Variants in INTS6 observed in about 807,000 individuals in gnomAD.
The protein encoded by INTS6 is integrator complex subunit 6, also known as DEAD box protein.
A neutral mutation model predicts 104.9 loss-of-function variants in INTS6; 16 were observed. That is an observed-to-expected ratio of 0.15 (90% CI 0.10 to 0.23). The LOEUF (loss-of-function observed/expected upper bound fraction) is 0.23. INTS6 is among the 10% of genes least tolerant of loss of function. The probability of loss-of-function intolerance (pLI) is 1.00; values close to 1 mark genes in which losing one functional copy is unlikely to be tolerated. For synonymous variants in INTS6, 324 were observed against 358.7 expected (o/e 0.90, Z 1.09); for missense variants, 584 against 1,062.8 (o/e 0.55, Z 6.26).
chr13:51,373,092 G>A (rs1955844863), intron 15 of INTS6, among the ~76,000 whole-genome samples: 1 of 151,784 alleles, frequency 6.6e-6, no homozygotes, highest in Non-Finnish European at 1.5e-5. Flanking sequence ...TCTTTGTCCT[G>A]TAGAGTTTTC....
intron 3 of INTS6, among the ~76,000 whole-genome samples, chr13:51,434,753 T>C: frequency 1.4e-5 from 1 of 70,502 alleles, no homozygotes; most frequent in East Asian, 4.4e-4. Context: ...TATACTGTTT[T>C]GCACTGTTTT....
intron 4 of INTS6, among the ~76,000 whole-genome samples, chr13:51,422,810 C>T (rs1375041631): frequency 6.6e-6 from 1 of 152,146 alleles, no homozygotes. Context: ...CTCTTCCTAC[C>T]TATACTTTCC....
At chr13:51,448,845 A>C (rs946281319) in intron 3 of INTS6, 4 of 152,198 alleles carry the variant, frequency 2.6e-5, no homozygotes, top group African/African-American at 9.6e-5. Flanking sequence ...CCTAGTATAG[A>C]GCAGGAAAGG....
At chr13:51,347,463 A>T in the INTS6 span, among the ~76,000 whole-genome samples, 1 of 152,198 alleles carries the variant, frequency 6.6e-6, no homozygotes, top group Non-Finnish European at 1.5e-5. Flanking sequence ...GATGTGGAAG[A>T]GAAACTCAGT....
chr13:51,431,669 T>C (rs1175394209), intron 3 of INTS6, among the ~76,000 whole-genome samples: 1 of 152,170 alleles, frequency 6.6e-6, no homozygotes, highest in Non-Finnish European at 1.5e-5. Flanking sequence ...TAATAGATCG[T>C]CTTGATCAAA....
At chr13:51,399,366 T>C (rs985939639) in intron 4 of INTS6, among the ~76,000 whole-genome samples, 2 of 152,054 alleles carry the variant, frequency 1.3e-5, no homozygotes, top group Non-Finnish European at 2.9e-5. Context: ...GCCACCACAC[T>C]CAGCTCACTT....
In INTS6 at chr13:51,363,142, TAGGTAAA is replaced by T. The variant is rs1183757999; in HGVS notation, c.*2603_*2609del. 6.6e-6 allele frequency: 1 copy of T among 151,962 alleles called. No homozygotes were observed. The highest frequency in any genetic ancestry group is 1.9e-4 in the East Asian group (1 of 5,186). 9.4% of individuals were successfully genotyped at this position (151,962 alleles called of 1,614,324 possible). ...AAAGCCAATAGCCAATAAAGGTTGA[TAGGTAAA>T]AGAGAGATTCTGATTTTGGAATTCA... On this transcript the variant is annotated 3_prime_UTR_variant, in exon 18 of 18. Coordinates refer to ENST00000311234, the MANE Select transcript of INTS6 (RefSeq NM_012141.3).
chr13:51,352,240 C>T (rs1449730066), downstream of INTS6, among the ~76,000 whole-genome samples: 1 of 152,086 alleles, frequency 6.6e-6, no homozygotes, highest in Non-Finnish European at 1.5e-5. Flanking sequence ...GGGCCATGAA[C>T]TCAGAATATC....
chr13:51,390,428 A>G (rs1438150349), intron 5 of INTS6, among the ~76,000 whole-genome samples: 2 of 151,966 alleles, frequency 1.3e-5, no homozygotes, highest in African/African-American at 2.4e-5. Context: ...AGTGGCTACT[A>G]TGAAATTTTT....
the INTS6 span, among the ~76,000 whole-genome samples, chr13:51,345,750 T>C: frequency 6.6e-6 from 1 of 152,248 alleles, no homozygotes; most frequent in Non-Finnish European, 1.5e-5. Context: ...TATTTTACCA[T>C]GTCTTTTCAA....
chr13:51,431,466 A>G (rs184992434), intron 3 of INTS6, among the ~76,000 whole-genome samples: 11 of 152,328 alleles, frequency 7.2e-5, no homozygotes, highest in South Asian at 2.1e-4. Context: ...AGACACTAAT[A>G]GCCACAGACC....
chr13:51,341,762 G>A, the INTS6 span, among the ~76,000 whole-genome samples: 4 of 152,188 alleles, frequency 2.6e-5, no homozygotes, highest in African/African-American at 7.2e-5. Flanking sequence ...CAACAGCTCT[G>A]TTGAGGATGA....
the INTS6 span, among the ~76,000 whole-genome samples, chr13:51,342,252 C>A: frequency 1.1e-4 from 16 of 151,566 alleles, no homozygotes; most frequent in African/African-American, 3.9e-4. Flanking sequence ...ATGAAGCTGT[C>A]CTAGGCAGGG....
intron 17 of INTS6, among the ~76,000 whole-genome samples, chr13:51,367,581 T>C (rs1035779632): frequency 1.3e-5 from 2 of 151,998 alleles, no homozygotes; most frequent in African/African-American, 4.8e-5. Context: ...ATCCAGTAAT[T>C]TGTAGGGAGA....
the INTS6 span, chr13:51,348,324 G>A: frequency 6.2e-7 from 1 of 1,613,820 alleles, no homozygotes; most frequent in South Asian, 1.1e-5. Context: ...ACCCCCCTGA[G>A]CCACATCGAG....
At chr13:51,416,781 ACT>A (rs1329895492) in intron 4 of INTS6, among the ~76,000 whole-genome samples, 1 of 152,150 alleles carries the variant, frequency 6.6e-6, no homozygotes, top group Non-Finnish European at 1.5e-5. Context: ...TCTATGTTTA[ACT>A]TTTTGAAGAA....
the INTS6 span, among the ~76,000 whole-genome samples, chr13:51,338,213 G>C: frequency 6.6e-6 from 1 of 152,138 alleles, no homozygotes; most frequent in Admixed American, 6.5e-5. Flanking sequence ...TGAATCAGCT[G>C]TTTCCCCTGG....
the INTS6 span, among the ~76,000 whole-genome samples, chr13:51,346,593 G>A: frequency 6.6e-6 from 1 of 152,134 alleles, no homozygotes; most frequent in African/African-American, 2.4e-5. Flanking sequence ...TCCCCTGACT[G>A]GTCACCCAGG....
chr13:51,386,346 C>A (rs561790800), intron 7 of INTS6, among the ~76,000 whole-genome samples: 3 of 151,924 alleles, frequency 2.0e-5, no homozygotes, highest in Non-Finnish European at 4.4e-5. Context: ...CATACAAATA[C>A]GGTATCTGTT....
Sources: allele counts gnomAD v4.1 joint callset (sites outside exome capture counted in the v4.1 genomes callset), GRCh38; gene constraint gnomAD v4.1.1; transcripts MANE v1.5; gene names NCBI Gene and HGNC (gene_info 2026-07-23, HGNC 2026-07-21).